SLC35F1: variants seen among roughly 807,000 people sequenced by gnomAD.
SLC35F1 encodes chromosome 6 open reading frame 169.
In SLC35F1, 14 loss-of-function variants were observed where a neutral mutation model predicts 48.7. The ratio of observed to expected loss-of-function variants is 0.29; its 90% CI spans 0.19 to 0.45. SLC35F1 has a LOEUF of 0.45. Ranked by LOEUF, SLC35F1 falls within the 20% of genes least tolerant of loss-of-function variation. SLC35F1 has a pLI of 1.00. For synonymous variants in SLC35F1, 190 were observed against 202.2 expected, an observed-to-expected ratio of 0.94 and a Z score of 0.51; for missense variants, 404 against 500.0, an observed-to-expected ratio of 0.81 and a Z score of 1.83.
At chr6:118,274,432 C>A (rs1164401899) in intron 4 of SLC35F1, among the ~76,000 whole-genome samples, 4 of 152,158 alleles carry the variant, frequency 2.6e-5, no homozygotes, top group African/African-American at 9.7e-5. Flanking sequence ...GAATGTCACG[C>A]TTCCCCCAGG....
intron 7 of SLC35F1, among the ~76,000 whole-genome samples, chr6:118,310,126 A>G (rs1319785185): frequency 6.6e-6 from 1 of 152,214 alleles, no homozygotes; most frequent in African/African-American, 2.4e-5. Flanking sequence ...TGCGGCACAG[A>G]ACAAACAGCA....
chr6:118,057,170 T>G (rs1462329256), intron 1 of SLC35F1, among the ~76,000 whole-genome samples: 2 of 152,222 alleles, frequency 1.3e-5, no homozygotes, highest in African/African-American at 4.8e-5. Context: ...GTGAGCCATT[T>G]AGCAGAAGCA....
At position 117,970,070 on chromosome 6, in the gene SLC35F1, G is replaced by C. The variant is rs142814836; in HGVS notation, c.173+62171G>C. Among the ~76,000 whole-genome samples, 289 of 152,282 alleles carry C rather than the reference G, an allele frequency of 1.9e-3. 1 individual carries two copies. The highest frequency in any genetic ancestry group is 6.3e-3 in the African/African-American group (262 of 41,552). On this transcript the variant is annotated intron_variant, in intron 1 of 7. Transcript: ENST00000360388. ...TTTTTAGGAAGTTCGTACATTTTTA[G>C]TGATTTTGTCTGAATTTGGTGACTT... is the stretch of plus-strand genomic sequence containing the variant.
At chr6:117,974,756 C>T (rs1776684895) in intron 1 of SLC35F1, among the ~76,000 whole-genome samples, 1 of 151,992 alleles carries the variant, frequency 6.6e-6, no homozygotes, top group African/African-American at 2.4e-5. Context: ...CAAAAGTAAG[C>T]CCATGTGGGT....
chr6:117,957,164 G>A (rs1364672255), intron 1 of SLC35F1, among the ~76,000 whole-genome samples: 1 of 151,898 alleles, frequency 6.6e-6, no homozygotes, highest in Non-Finnish European at 1.5e-5. Context: ...CATATTTCTG[G>A]GTAAAACAAA....
intron 1 of SLC35F1, among the ~76,000 whole-genome samples, chr6:118,074,970 A>G (rs1772796346): frequency 6.6e-6 from 1 of 152,216 alleles, no homozygotes; most frequent in South Asian, 2.1e-4. Flanking sequence ...AAAAGTAAAC[A>G]TTTGGGGGTC....
chr6:118,281,258 G>T (rs956118094), intron 6 of SLC35F1, among the ~76,000 whole-genome samples: 5 of 146,152 alleles, frequency 3.4e-5, no homozygotes, highest in African/African-American at 1.0e-4. Flanking sequence ...AGTCAAATAG[G>T]ATGTTCCTTC....
chr6:118,115,193 C>G (rs188661266), intron 1 of SLC35F1, among the ~76,000 whole-genome samples: 266 of 152,256 alleles, frequency 1.7e-3, no homozygotes, highest in African/African-American at 6.2e-3. Flanking sequence ...CTGATTCATG[C>G]TTGGTGCATC....
At chr6:118,124,174 G>A (rs994650046) in intron 1 of SLC35F1, among the ~76,000 whole-genome samples, 7 of 152,088 alleles carry the variant, frequency 4.6e-5, no homozygotes, top group Non-Finnish European at 8.8e-5. Flanking sequence ...TATTAGCTTT[G>A]CCACTGACAA....
At chr6:118,165,443 T>C (rs1381204084) in intron 2 of SLC35F1, among the ~76,000 whole-genome samples, 1 of 152,232 alleles carries the variant, frequency 6.6e-6, no homozygotes, top group African/African-American at 2.4e-5. Context: ...TCTGTTTAAG[T>C]CATGTCTGGA....
intron 1 of SLC35F1, among the ~76,000 whole-genome samples, chr6:118,105,396 C>A (rs75271878): frequency 0.03 from 4,568 of 152,262 alleles, 228 homozygotes; most frequent in African/African-American, 0.1. Context: ...ATACCAGAGA[C>A]CTACTCTATG....
At chr6:117,923,622 T>TAC (rs1562238516) in intron 1 of SLC35F1, among the ~76,000 whole-genome samples, 5 of 20,338 alleles carry the variant, frequency 2.5e-4, no homozygotes, top group Admixed American at 8.6e-4. Context: ...TACATATGTA[T>TAC]ATATACATAT....
chr6:118,271,909 A>G (rs547124840), intron 4 of SLC35F1, among the ~76,000 whole-genome samples: 1 of 152,318 alleles, frequency 6.6e-6, no homozygotes, highest in East Asian at 1.9e-4. Flanking sequence ...GTCATATTTT[A>G]TTTTATTCTC....
In SLC35F1 at chr6:118,056,628, C is replaced by G. The variant is rs545585860; in HGVS notation, c.174-97817C>G. Among the ~76,000 whole-genome samples the G allele has an allele frequency of 7.8e-4, 118 of 152,160 alleles. 1 individual carries two copies. Among genetic ancestry groups the G allele is most frequent in the Non-Finnish European group, 1.2e-3 (82 of 68,024 alleles). On this transcript the variant is annotated intron_variant, in intron 1 of 7. Coordinates refer to ENST00000360388, the MANE Select transcript of SLC35F1 (RefSeq NM_001029858.4). ...TGCCCTCTCAGGCAGACAAAATAAC[C>G]ACAGCCAACTCTATCATAATAAATG... is the stretch of plus-strand genomic sequence containing the variant.
intron 1 of SLC35F1, among the ~76,000 whole-genome samples, chr6:117,983,559 AGAGT>A (rs1776809806): frequency 6.6e-6 from 1 of 152,230 alleles, no homozygotes; most frequent in South Asian, 2.1e-4. Flanking sequence ...CCTGGGTGAC[AGAGT>A]GAGACGCAGT....
chr6:118,038,708 G>A (rs1218863626), intron 1 of SLC35F1, among the ~76,000 whole-genome samples: 3 of 152,042 alleles, frequency 2.0e-5, no homozygotes, highest in East Asian at 1.9e-4. Context: ...TGCAACCTCT[G>A]CCTCCTGGAG....
chr6:117,923,670 T>TATGTGC (rs1554216692), intron 1 of SLC35F1, among the ~76,000 whole-genome samples: 1 of 26,826 alleles, frequency 3.7e-5, no homozygotes, highest in Non-Finnish European at 6.0e-5. Flanking sequence ...TATATATACA[T>TATGTGC]ATATGTACAT....
chr6:118,162,139 A>G (rs553023170), intron 2 of SLC35F1, among the ~76,000 whole-genome samples: 1 of 152,340 alleles, frequency 6.6e-6, no homozygotes, highest in African/African-American at 2.4e-5. Context: ...TGAAAGGATA[A>G]AAAAATTACA....
chr6:118,003,119 A>G (rs1173906131), intron 1 of SLC35F1, among the ~76,000 whole-genome samples: 1 of 152,246 alleles, frequency 6.6e-6, no homozygotes. Context: ...GTCTTAAATT[A>G]CATCCAGAAA....
Sources: gnomAD v4.1 joint callset for allele counts (sites outside exome capture counted in the v4.1 genomes callset) on GRCh38, gnomAD v4.1.1 for gene constraint, MANE v1.5 for transcripts, NCBI Gene and HGNC (gene_info 2026-07-23, HGNC 2026-07-21) for gene names.